Variants in MYO5B observed in about 807,000 individuals in gnomAD.
The protein encoded by MYO5B is unconventional myosin-Vb.
MYO5B carries 143 observed loss-of-function variants against 229.3 expected under a neutral mutation model. That is an observed-to-expected ratio of 0.62 (90% CI 0.54 to 0.72). The LOEUF (loss-of-function observed/expected upper bound fraction) is 0.72, where lower values mean the gene tolerates loss of function less well. Ranked by LOEUF, MYO5B falls within the 30% of genes least tolerant of loss-of-function variation. MYO5B has a pLI of 0.00. For missense variants in MYO5B, 2,321 were observed against 2,331.0 expected (o/e 1.00, Z 0.09); for synonymous variants, 918 against 885.2 (o/e 1.04, Z -0.66).
chr18:50,122,100 C>T (rs1018508716), intron 1 of MYO5B, among the ~76,000 whole-genome samples: 6 of 152,102 alleles, frequency 3.9e-5, no homozygotes, highest in East Asian at 1.9e-4. Context: ...TCTGTTTCCT[C>T]GTGGAAAAAG....
At chr18:49,969,074 G>T (rs2025658886) in intron 10 of MYO5B, among the ~76,000 whole-genome samples, 1 of 152,186 alleles carries the variant, frequency 6.6e-6, no homozygotes, top group Non-Finnish European at 1.5e-5. Flanking sequence ...AGCTTCCGAT[G>T]ATCTGCAAGG....
chr18:49,830,145 CCACACACACA>C (rs57718809), intron 39 of MYO5B, among the ~76,000 whole-genome samples: 2 of 149,904 alleles, frequency 1.3e-5, no homozygotes, highest in Non-Finnish European at 3.0e-5. Flanking sequence ...CTGAAAGAAT[CCACACACACA>C]CACACACACA....
At chr18:50,177,299 G>T (rs927059349) in intron 1 of MYO5B, among the ~76,000 whole-genome samples, 1 of 152,094 alleles carries the variant, frequency 6.6e-6, no homozygotes, top group Non-Finnish European at 1.5e-5. Flanking sequence ...GAATATTACC[G>T]TGTTATTATA....
chr18:50,078,529 A>G (rs2031141449), intron 1 of MYO5B, among the ~76,000 whole-genome samples: 1 of 152,228 alleles, frequency 6.6e-6, no homozygotes. Flanking sequence ...TGCAAATTAA[A>G]AACATGAGAT....
intron 2 of MYO5B, among the ~76,000 whole-genome samples, chr18:50,043,596 GTATATAAATATATAAATA>G (rs1270283717): frequency 1.4e-4 from 17 of 121,750 alleles, no homozygotes; most frequent in South Asian, 2.4e-4. Context: ...ATATTTATAA[GTATATAAATATATAAATA>G]TATATAAATA....
intron 1 of MYO5B, among the ~76,000 whole-genome samples, chr18:50,072,878 A>G (rs572414177): frequency 3.3e-5 from 5 of 152,198 alleles, no homozygotes; most frequent in African/African-American, 1.2e-4. Flanking sequence ...CAAGACCAGA[A>G]GCAGGAGAGC....
At chr18:50,037,305 A>C (rs2026460319) in intron 3 of MYO5B, among the ~76,000 whole-genome samples, 1 of 152,300 alleles carries the variant, frequency 6.6e-6, no homozygotes, top group East Asian at 1.9e-4. Flanking sequence ...TTCCAGGATC[A>C]GAGAGAAGAG....
At chr18:49,942,191 T>A (rs1008398756) in intron 14 of MYO5B, among the ~76,000 whole-genome samples, 1 of 150,928 alleles carries the variant, frequency 6.6e-6, no homozygotes, top group Non-Finnish European at 1.5e-5. Flanking sequence ...TTAATTCAAG[T>A]TGGATTAAAG....
intron 17 of MYO5B, among the ~76,000 whole-genome samples, chr18:49,917,038 G>T (rs1305466029): frequency 6.6e-6 from 1 of 152,198 alleles, no homozygotes; most frequent in African/African-American, 2.4e-5. Flanking sequence ...GAAGACCACA[G>T]GCTGTCCAGG....
At chr18:50,028,863 C>A (rs181902776) in intron 4 of MYO5B, among the ~76,000 whole-genome samples, 2 of 152,290 alleles carry the variant, frequency 1.3e-5, no homozygotes, top group African/African-American at 4.8e-5. Context: ...TTTGTGATTT[C>A]AAGTTGAGAT....
At position 49,990,535 on chromosome 18, in the gene MYO5B, A is replaced by C. The variant is rs2025919353; in HGVS notation, c.757-15T>G. The C allele has an allele frequency of 6.2e-7, 1 of 1,609,216 alleles. No homozygotes were observed. Among genetic ancestry groups the C allele is most frequent in the Non-Finnish European group, 8.5e-7 (1 of 1,175,866 alleles). On this transcript the variant is annotated splice_polypyrimidine_tract_variant and intron_variant, in intron 6 of 39. Transcript: ENST00000285039. ...TCATCATCTGCCTGGAGGAGGAAGAAGTGAAGCAGTTTTAGGGCAGTGACC... is the reference window on the plus strand; with the variant it reads ...TCATCATCTGCCTGGAGGAGGAAGACGTGAAGCAGTTTTAGGGCAGTGACC...
chr18:49,942,404 A>T (rs1289226625), intron 14 of MYO5B, among the ~76,000 whole-genome samples: 1 of 150,290 alleles, frequency 6.7e-6, no homozygotes, highest in Non-Finnish European at 1.5e-5. Context: ...AAAAAAAAAA[A>T]ACTACCGTCA....
chr18:50,114,102 T>C (rs568470530), intron 1 of MYO5B, among the ~76,000 whole-genome samples: 9 of 152,190 alleles, frequency 5.9e-5, no homozygotes, highest in Non-Finnish European at 1.2e-4. Flanking sequence ...TTTGGCTTAA[T>C]GTCGGCCCTG....
intron 6 of MYO5B, 67 bp downstream of exon 6, chr18:49,992,221 G>A: frequency 1.3e-6 from 2 of 1,598,270 alleles, no homozygotes; most frequent in Non-Finnish European, 1.7e-6. Flanking sequence ...AGGGAGTGGG[G>A]CAGGGAGCAG....
chr18:49,859,826 C>T (rs8094988), intron 29 of MYO5B, among the ~76,000 whole-genome samples: 44 of 152,220 alleles, frequency 2.9e-4, no homozygotes, highest in African/African-American at 9.9e-4. Context: ...GAAGCTAGCT[C>T]TTCCCGCCTT....
intron 34 of MYO5B, 140 bp downstream of exon 34, chr18:49,843,101 G>A: frequency 2.8e-6 from 3 of 1,090,074 alleles, no homozygotes; most frequent in Non-Finnish European, 4.1e-6. Flanking sequence ...TTATATGGAT[G>A]CTTCTGTGGC....
chr18:49,916,389 T>C (rs1423277885), intron 17 of MYO5B, among the ~76,000 whole-genome samples: 2 of 152,162 alleles, frequency 1.3e-5, no homozygotes, highest in Admixed American at 6.5e-5. Context: ...AGTCCCAGCC[T>C]GGATGCCGCC....
In MYO5B at chr18:50,061,952, C is replaced by T. The variant is rs370727354; in HGVS notation, c.28-6574G>A. ...TAGGTTGAGCAGGGTTATCAATCCT[C>T]TTTTATACAGGAGAAACCTGAGGGT... On this transcript the variant is annotated intron_variant, in intron 1 of 39. Coordinates refer to ENST00000285039, the MANE Select transcript of MYO5B (RefSeq NM_001080467.3). 8.5e-5 allele frequency among the ~76,000 whole-genome samples: 13 copies of T among 152,308 alleles called. No individual in the cohort carries two copies. The South Asian group carries it at 1.9e-3, about 22-fold the overall frequency.
intron 39 of MYO5B, among the ~76,000 whole-genome samples, chr18:49,830,597 C>T (rs1328904666): frequency 6.6e-6 from 1 of 152,100 alleles, no homozygotes. Flanking sequence ...CCTGCAATCC[C>T]AGCACTTTGG....
Sources: gnomAD v4.1 joint callset for allele counts (sites outside exome capture counted in the v4.1 genomes callset) on GRCh38, gnomAD v4.1.1 for gene constraint, MANE v1.5 for transcripts, NCBI Gene and HGNC (gene_info 2026-07-23, HGNC 2026-07-21) for gene names.